Variants in EDNRA observed in about 807,000 individuals in gnomAD.
The protein encoded by EDNRA is endothelin receptor type A.
EDNRA carries 11 observed loss-of-function variants against 41.4 expected under a neutral mutation model. That is an observed-to-expected ratio of 0.27 (90% confidence interval 0.17 to 0.44). The LOEUF (loss-of-function observed/expected upper bound fraction) is 0.44. EDNRA is among the 20% of genes least tolerant of loss of function. The probability of loss-of-function intolerance (pLI) is 1.00; values close to 1 mark genes in which losing one functional copy is unlikely to be tolerated. For missense variants in EDNRA, 294 were observed against 531.0 expected, an observed-to-expected ratio of 0.55 and a Z score of 4.39; for synonymous variants, 172 against 183.0, an observed-to-expected ratio of 0.94 and a Z score of 0.49.
chr4:147,539,257 G>A (rs960074304), intron 5 of EDNRA, among the ~76,000 whole-genome samples: 24 of 151,778 alleles, frequency 1.6e-4, no homozygotes, highest in African/African-American at 5.1e-4. Flanking sequence ...ATCAGGAAAA[G>A]GAAAAAACAT....
In EDNRA at chr4:147,528,358, T is replaced by TTTC. The variant is rs35757953; in HGVS notation, c.549-4146_549-4145insCTT. On this transcript the variant is annotated intron_variant, in intron 3 of 7. Coordinates refer to ENST00000651419, the MANE Select transcript of EDNRA (RefSeq NM_001957.4). Reference sequence around the variant, plus strand: ...TTCACTTTTTTCTTTTCTTGCTTTCTTTTTTTTTTTTTTTTTTCAGACAGG... The same window carrying TTTC: ...TTCACTTTTTTCTTTTCTTGCTTTCTTTCTTTTTTTTTTTTTTTTTCAGACAGG... 5.8e-5 allele frequency among the ~76,000 whole-genome samples: 7 copies of TTTC among 121,144 alleles called. 1 individual carries two copies. The highest frequency in any genetic ancestry group is 2.6e-4 in the African/African-American group (7 of 26,506). The allele number at this position is 121,144 out of a possible 152,430, so 79.5% of individuals were successfully genotyped here.
intron 5 of EDNRA, among the ~76,000 whole-genome samples, chr4:147,536,388 A>G (rs540922107): frequency 1.3e-5 from 2 of 152,332 alleles, no homozygotes; most frequent in Admixed American, 1.3e-4. Context: ...GTCTTGTTGT[A>G]GAAATAAAAT....
At chr4:147,542,401 C>A in intron 7 of EDNRA, 77 bp from the exon 8 acceptor site, 1 of 1,584,014 alleles carries the variant, frequency 6.3e-7, no homozygotes, top group Non-Finnish European at 8.6e-7. Flanking sequence ...CCCTCATTAG[C>A]ATGGCCCAGG....
chr4:147,497,624 T>G (rs1729353451), intron 2 of EDNRA, among the ~76,000 whole-genome samples: 1 of 151,848 alleles, frequency 6.6e-6, no homozygotes, highest in African/African-American at 2.4e-5. Context: ...CAGGCTGGAG[T>G]GCAGTGGCGC....
intron 3 of EDNRA, among the ~76,000 whole-genome samples, chr4:147,522,480 G>A (rs1157301812): frequency 6.6e-6 from 1 of 152,020 alleles, no homozygotes; most frequent in Non-Finnish European, 1.5e-5. Context: ...GGAAGTTGCA[G>A]TGAGCCGAGA....
chr4:147,492,946 T>C (rs1016978123), intron 2 of EDNRA: 1 of 152,154 alleles, frequency 6.6e-6, no homozygotes, highest in African/African-American at 2.4e-5. Context: ...TAAGTAATTA[T>C]TCTCATGTGA....
chr4:147,517,022 C>A (rs1022418381), intron 2 of EDNRA, among the ~76,000 whole-genome samples: 22 of 151,420 alleles, frequency 1.5e-4, no homozygotes, highest in African/African-American at 5.1e-4. Flanking sequence ...CTTCTATGTA[C>A]ATAGGATGTT....
At chr4:147,505,326 C>CTTTTTTTTTTTTTTTTTTTT (rs1729660192) in intron 2 of EDNRA, among the ~76,000 whole-genome samples, 21 of 82,026 alleles carry the variant, frequency 2.6e-4, no homozygotes, top group African/African-American at 1.1e-3. Flanking sequence ...TTTCTTTTTT[C>CTTTTTTTTTTTTTTTTTTTT]ATTTTTTTTT....
rs1030799795 is a variant in EDNRA, at chr4:147,544,782, C to T, written c.*2164C>T. ...AGTCATAGATTTCTGAAGGCGTCAA[C>T]GTGCATTTTATTTATGGACTGGTAA... On this transcript the variant is annotated 3_prime_UTR_variant, in exon 8 of 8. Transcript: ENST00000651419. 4 of 152,646 alleles carry T rather than the reference C, an allele frequency of 2.6e-5. No individual in the cohort carries two copies. The highest frequency in any genetic ancestry group is 7.2e-5 in the African/African-American group (3 of 41,546). 9.5% of individuals were successfully genotyped at this position (152,646 alleles called of 1,614,324 possible).
At chr4:147,505,936 C>A (rs1352319384) in intron 2 of EDNRA, among the ~76,000 whole-genome samples, 1 of 152,110 alleles carries the variant, frequency 6.6e-6, no homozygotes. Flanking sequence ...GCGTGAGTGA[C>A]CGCGCCCGGC....
At chr4:147,498,303 A>G (rs1729385963) in intron 2 of EDNRA, among the ~76,000 whole-genome samples, 1 of 152,146 alleles carries the variant, frequency 6.6e-6, no homozygotes, top group Non-Finnish European at 1.5e-5. Flanking sequence ...ATTTTCATTA[A>G]TTGTATGGAG....
intron 3 of EDNRA, among the ~76,000 whole-genome samples, chr4:147,523,389 G>A (rs1023924592): frequency 4.6e-5 from 7 of 151,924 alleles, no homozygotes; most frequent in African/African-American, 1.2e-4. Flanking sequence ...TCTCTGTCAC[G>A]TGATGCTATA....
At chr4:147,535,739 C>T (rs1257747980) in intron 4 of EDNRA, 138 bp from the exon 5 acceptor site, 6 of 1,068,632 alleles carry the variant, frequency 5.6e-6, no homozygotes, top group African/African-American at 1.6e-5. Flanking sequence ...CACTCCCAAA[C>T]CCATCACTGC....
chr4:147,484,459 C>A lies in EDNRA; in HGVS notation c.-70-1153C>A, dbSNP rs374246527. Among the ~76,000 whole-genome samples the A allele has an allele frequency of 9.7e-4, 148 of 152,260 alleles. 6 individuals carry two copies. In the South Asian group the frequency reaches 0.029, roughly 30 times the overall value. On this transcript the variant is annotated intron_variant, in intron 1 of 7. Transcript: ENST00000651419. ...GAGTTGGACTGACCTGCCTTAGAATCGCAGTGTTGCCACCCATCACCTGTG... is the reference window on the plus strand; with the variant it reads ...GAGTTGGACTGACCTGCCTTAGAATAGCAGTGTTGCCACCCATCACCTGTG...
chr4:147,506,342 G>C, intron 2 of EDNRA: 2 of 424,666 alleles, frequency 4.7e-6, no homozygotes, highest in South Asian at 3.9e-5. Flanking sequence ...AGCTGTCTTC[G>C]GAAGGAATAG....
intron 3 of EDNRA, among the ~76,000 whole-genome samples, chr4:147,529,253 T>C (rs150267228): frequency 1.3e-5 from 2 of 151,300 alleles, no homozygotes; most frequent in African/African-American, 4.9e-5. Flanking sequence ...GATTTGGGAG[T>C]GTTTAGATGC....
chr4:147,521,739 G>A (rs1730327497), intron 3 of EDNRA, among the ~76,000 whole-genome samples: 1 of 152,070 alleles, frequency 6.6e-6, no homozygotes, highest in South Asian at 2.1e-4. Flanking sequence ...ATGTAACCAT[G>A]TATTTTCATT....
rs1296732576 is a variant in EDNRA, at chr4:147,535,960, C to T, written c.831C>T (p.Leu277=). 4 of 1,613,900 alleles carry T rather than the reference C, an allele frequency of 2.5e-6. No homozygotes were observed. Among genetic ancestry groups the T allele is most frequent in the Non-Finnish European group, 3.4e-6 (4 of 1,179,926 alleles). Residue 277 remains leucine, a synonymous_variant, in exon 5 of 8, where the codon CTC becomes CTT. Coordinates refer to ENST00000651419, the MANE Select transcript of EDNRA (RefSeq NM_001957.4). The stretch of plus-strand genomic sequence containing the variant: ...TGTGCACTGCGATCTTCTACACCCT[C>T]ATGACTTGTGAGATGTTGAACAGAA... ...PLVCTAIFYT[L]MTCEMLNRRN...
chr4:147,524,809 G>A (rs879579493), intron 3 of EDNRA, among the ~76,000 whole-genome samples: 1 of 152,024 alleles, frequency 6.6e-6, no homozygotes, highest in Non-Finnish European at 1.5e-5. Context: ...GCTTTCACAC[G>A]AGAGAATGAA....
Sources: gnomAD v4.1 joint callset for allele counts (sites outside exome capture counted in the v4.1 genomes callset) on GRCh38, gnomAD v4.1.1 for gene constraint, MANE v1.5 for transcripts, NCBI Gene and HGNC (gene_info 2026-07-23, HGNC 2026-07-21) for gene names.